MTOR: variants seen among roughly 807,000 people sequenced by gnomAD.
MTOR encodes mechanistic target of rapamycin kinase.
In MTOR, 70 loss-of-function variants were observed where a neutral mutation model predicts 319.8. The observed-to-expected ratio is 0.22, with a 90% confidence interval of 0.18 to 0.27. MTOR has a LOEUF of 0.27. MTOR is among the 10% of genes least tolerant of loss of function. MTOR has a pLI of 1.00. For synonymous variants in MTOR, 1,183 were observed against 1,211.4 expected (o/e 0.98, Z 0.49); for missense variants, 1,890 against 3,274.4 (o/e 0.58, Z 10.32).
At chr1:11,188,897 G>A (rs565817816) in intron 28 of MTOR, among the ~76,000 whole-genome samples, 1 of 152,312 alleles carries the variant, frequency 6.6e-6, no homozygotes, top group African/African-American at 2.4e-5. Flanking sequence ...CTAGATAAAA[G>A]CATATTCAGC....
At chr1:11,252,896 G>A (rs534777360) in intron 6 of MTOR, among the ~76,000 whole-genome samples, 2 of 152,260 alleles carry the variant, frequency 1.3e-5, no homozygotes, top group Admixed American at 6.5e-5. Flanking sequence ...TGGCAGCCGT[G>A]AGAATGCAAC....
Position 11,115,568 on chromosome 1 carries a change from T to C in MTOR, c.7017-100A>G, listed in dbSNP as rs1201041149. 49 of 1,140,186 alleles carry C rather than the reference T, an allele frequency of 4.3e-5. No homozygotes were observed. The highest frequency in any genetic ancestry group is 5.9e-5 in the Non-Finnish European group (45 of 758,822). The allele number at this position is 1,140,186 out of a possible 1,614,324, so 70.6% of individuals were successfully genotyped here. A position where few individuals can be genotyped will look rare whatever the true frequency, so the allele number is the denominator to read the frequency against. Reference sequence around the variant, plus strand: ...CTGTAAGCTAGGAGTTGGCAAACGATAGCCCTCAGCCAATCCAGCCCCTCC... The same window carrying C: ...CTGTAAGCTAGGAGTTGGCAAACGACAGCCCTCAGCCAATCCAGCCCCTCC... On this transcript the variant is annotated intron_variant, in intron 50 of 57. Transcript: ENST00000361445. The surrounding 1 kb of genome is among the most constrained non-coding windows in gnomAD (Gnocchi z 4.5).
rs767105252 is a variant in MTOR at position 11,240,329 on chromosome 1, C to T, written c.1760G>A (p.Arg587Gln). ...TTCAAATTCAAAGCTGCCAAGCGTT[C>T]GGAGGGCAAGAGTGATGCTGCCCAC... ...SDVGSITLAL[R>Q]TLGSFEFEGH... The change falls in exon 11 of 58, where the codon CGA becomes CAA. Residue 587 changes from arginine (R) to glutamine (Q), a missense_variant. Arg to Gln is a conservative substitution (Grantham distance 43). Around this residue, in one of 15 missense-constraint regions of MTOR, gnomAD observed 418 missense variants for 543.1 expected, o/e 0.77. Coordinates refer to ENST00000361445, the MANE Select transcript of MTOR (RefSeq NM_004958.4). The T allele has an allele frequency of 6.3e-6, 10 of 1,578,468 alleles. No homozygotes were observed. In the Admixed American group the frequency reaches 7.5e-5, roughly 12 times the overall value.
intron 25 of MTOR, among the ~76,000 whole-genome samples, chr1:11,208,884 A>T (rs1330744503): frequency 6.6e-6 from 1 of 152,194 alleles, no homozygotes; most frequent in African/African-American, 2.4e-5. Flanking sequence ...TCAGGCCCCA[A>T]ATCAGACTGC....
intron 19 of MTOR, among the ~76,000 whole-genome samples, chr1:11,220,288 G>A (rs1307985677): frequency 1.3e-5 from 2 of 152,024 alleles, no homozygotes; most frequent in Admixed American, 6.6e-5. Flanking sequence ...AGGGATTCAC[G>A]ATTTCTCAAC....
chr1:11,139,438 TA>T lies in MTOR; in HGVS notation c.4999-4del, dbSNP rs766573589. 1.9e-6 allele frequency: 3 copies of T among 1,613,792 alleles called. No homozygotes were observed. Among genetic ancestry groups the T allele is most frequent in the Non-Finnish European group, 2.5e-6 (3 of 1,179,996 alleles). ...ACTAAAGTTTTATGAGCAAGAGCCT[TA>T]AAAATAAGAGAAACTGGGTTATAGA... is the stretch of plus-strand genomic sequence containing the variant. On this transcript the variant is annotated splice_polypyrimidine_tract_variant and splice_region_variant and intron_variant, in intron 35 of 57. Transcript: ENST00000361445.
At position 11,115,621 on chromosome 1, in the gene MTOR, C is replaced by T. The variant is rs532586893; in HGVS notation, c.7017-153G>A. The T allele has an allele frequency of 1.5e-6, 1 of 672,954 alleles. No individual in the cohort carries two copies. Among genetic ancestry groups the T allele is most frequent in the Admixed American group, 2.2e-5 (1 of 45,348 alleles). The allele number at this position is 672,954 out of a possible 1,614,324, so 41.7% of individuals were successfully genotyped here. A position where few individuals can be genotyped will look rare whatever the true frequency, so the allele number is the denominator to read the frequency against. ...CTCCACTTCTGCAAGTCCAGTTTTA[C>T]TGGAACACACAGCACGCTCCCTTGT... is the stretch of plus-strand genomic sequence containing the variant. On this transcript the variant is annotated intron_variant, in intron 50 of 57. Transcript: ENST00000361445. This position sits in a 1 kb window ranked among gnomAD's most constrained non-coding sequence, Gnocchi z 4.5.
chr1:11,131,870 G>A (rs1030616854), intron 38 of MTOR: 10 of 152,180 alleles, frequency 6.6e-5, no homozygotes, highest in Admixed American at 4.6e-4. Flanking sequence ...AGGTGTATCC[G>A]TTTTCTCAAC....
At chr1:11,260,244 T>C (rs940753660) in intron 1 of MTOR, among the ~76,000 whole-genome samples, 1 of 152,192 alleles carries the variant, frequency 6.6e-6, no homozygotes, top group Non-Finnish European at 1.5e-5. Flanking sequence ...ACAGCAGCAC[T>C]ATCTAATGGA....
At chr1:11,169,488 A>T (rs894191054) in intron 28 of MTOR, among the ~76,000 whole-genome samples, 12 of 152,258 alleles carry the variant, frequency 7.9e-5, no homozygotes, top group Non-Finnish European at 1.3e-4. Context: ...TTGGAGTCAG[A>T]AGATGGGGTT....
At chr1:11,179,905 T>G (rs1645092652) in intron 28 of MTOR, among the ~76,000 whole-genome samples, 1 of 152,164 alleles carries the variant, frequency 6.6e-6, no homozygotes, top group Non-Finnish European at 1.5e-5. Context: ...CATAGAAGTT[T>G]GGAATGTGGT....
At chr1:11,236,283 T>C (rs1027482399) in intron 13 of MTOR, among the ~76,000 whole-genome samples, 2 of 151,166 alleles carry the variant, frequency 1.3e-5, no homozygotes, top group Non-Finnish European at 2.9e-5. Flanking sequence ...ACTACAGGTA[T>C]GCACCACTAC....
At chr1:11,200,828 A>G (rs1211978332) in intron 26 of MTOR, among the ~76,000 whole-genome samples, 1 of 152,032 alleles carries the variant, frequency 6.6e-6, no homozygotes, top group Non-Finnish European at 1.5e-5. Context: ...ATCCTGGCTA[A>G]CATGGTGAAA....
At chr1:11,108,110 T>G (rs985925668) in intron 57 of MTOR, 71 bp downstream of exon 57, 5 of 1,254,520 alleles carry the variant, frequency 4.0e-6, no homozygotes, top group Non-Finnish European at 4.7e-6. Flanking sequence ...TTTTTGCTAC[T>G]CTGGCTTTGG....
intron 18 of MTOR, 123 bp downstream of exon 18, chr1:11,230,802 G>A (rs1366959046): frequency 5.3e-6 from 7 of 1,327,468 alleles, no homozygotes; most frequent in Non-Finnish European, 7.3e-6. Flanking sequence ...TCATTCAAAA[G>A]TTGCTACACG....
chr1:11,196,578 C>T (rs941143659), intron 28 of MTOR, among the ~76,000 whole-genome samples: 1 of 152,114 alleles, frequency 6.6e-6, no homozygotes, highest in African/African-American at 2.4e-5. Context: ...GAAATAGCTG[C>T]ACGCGGTGGC....
chr1:11,228,377 C>T (rs1043603811), intron 19 of MTOR, among the ~76,000 whole-genome samples: 2 of 151,944 alleles, frequency 1.3e-5, no homozygotes, highest in African/African-American at 4.8e-5. Flanking sequence ...TTAGTAGAGA[C>T]GGGGTTTCAC....
chr1:11,195,135 A>G, intron 28 of MTOR: 1 of 1,145,186 alleles, frequency 8.7e-7, no homozygotes, highest in Non-Finnish European at 1.2e-6. Context: ...GAAACAGCCT[A>G]TAATCTCCAA....
At chr1:11,122,502 ATTTTTTTTTTTTT>A (rs35016135) in intron 47 of MTOR, among the ~76,000 whole-genome samples, 1 of 78,732 alleles carries the variant, frequency 1.3e-5, no homozygotes, top group Admixed American at 1.5e-4. Context: ...ACCCAGCCCT[ATTTTTTTTTTTTT>A]TTTTTTTTTT....
Sources: gnomAD v4.1 joint callset for allele counts (sites outside exome capture counted in the v4.1 genomes callset) on GRCh38, gnomAD v4.1.1 for gene constraint, gnomAD v4.1.1 regional missense constraint, Gnocchi (gnomAD v3.1) non-coding constraint, MANE v1.5 for transcripts, NCBI Gene and HGNC (gene_info 2026-07-23, HGNC 2026-07-21) for gene names.